NTNG1: variants seen among roughly 807,000 people sequenced by gnomAD.
The protein encoded by NTNG1 is netrin G1.
In NTNG1, 16 loss-of-function variants were observed where a neutral mutation model predicts 54.0. That is an observed-to-expected ratio of 0.30 (90% CI 0.20 to 0.45). The LOEUF (loss-of-function observed/expected upper bound fraction) is 0.45. Ranked by LOEUF, NTNG1 falls within the 20% of genes least tolerant of loss-of-function variation. The pLI is 1.00. For synonymous variants in NTNG1, 255 were observed against 263.1 expected (o/e 0.97, Z 0.30); for missense variants, 530 against 678.7 (o/e 0.78, Z 2.43).
chr1:107,356,765 G>A (rs1024946370), intron 3 of NTNG1, among the ~76,000 whole-genome samples: 2 of 152,092 alleles, frequency 1.3e-5, no homozygotes, highest in Non-Finnish European at 2.9e-5. Flanking sequence ...CACTTTGGGA[G>A]GCCAAGGCTG....
At chr1:107,397,640 T>C (rs1014167749) in intron 4 of NTNG1, among the ~76,000 whole-genome samples, 6 of 152,164 alleles carry the variant, frequency 3.9e-5, no homozygotes, top group Admixed American at 1.3e-4. Context: ...AAAATAAGCA[T>C]TCAAAAAATA....
At chr1:107,229,967 A>AT (rs578093945) in intron 2 of NTNG1, among the ~76,000 whole-genome samples, 27 of 152,134 alleles carry the variant, frequency 1.8e-4, no homozygotes, top group Non-Finnish European at 1.6e-4. Context: ...AACTGAATTT[A>AT]TTTTTTTAGA....
At chr1:107,456,442 C>G (rs555687096) in intron 7 of NTNG1, among the ~76,000 whole-genome samples, 1 of 152,288 alleles carries the variant, frequency 6.6e-6, no homozygotes, top group South Asian at 2.1e-4. Context: ...ATTTTGGAGT[C>G]TCTTGTAGGT....
intron 3 of NTNG1, among the ~76,000 whole-genome samples, chr1:107,386,964 A>G (rs1227267901): frequency 6.6e-6 from 1 of 152,158 alleles, no homozygotes; most frequent in Non-Finnish European, 1.5e-5. Context: ...TCGGCGTCTC[A>G]TTGTCATTTT....
Position 107,481,035 on chromosome 1 carries a change from TGAC to T in NTNG1, c.*196_*198del. On this transcript the variant is annotated 3_prime_UTR_variant, in exon 8 of 8. Transcript: ENST00000370068. ...CATCCGAGTCAAGACTGTTAATTTCTGACTCCAGAGGAGTTGGCAGCTGTTGAT... is the reference window on the plus strand; with the variant it reads ...CATCCGAGTCAAGACTGTTAATTTCTTCCAGAGGAGTTGGCAGCTGTTGAT... 1.9e-6 allele frequency: 1 copy of T among 538,078 alleles called. No individual in the cohort carries two copies. The highest frequency in any genetic ancestry group is 2.9e-5 in the South Asian group (1 of 34,894). 33.3% of individuals were successfully genotyped at this position (538,078 alleles called of 1,614,324 possible). A position where few individuals can be genotyped will look rare whatever the true frequency, so the allele number is the denominator to read the frequency against.
rs41278452 is a variant in NTNG1 at position 107,482,931 on chromosome 1, T to C, written c.*2091T>C. ...TGTTATTCAAACCAACAGTCTCTTT[T>C]GATGTAAGAAATAAGGAAAGATGGA... On this transcript the variant is annotated 3_prime_UTR_variant, in exon 8 of 8. Transcript: ENST00000370068. 26 of 152,334 alleles carry C rather than the reference T, an allele frequency of 1.7e-4. No individual in the cohort carries two copies. The highest frequency in any genetic ancestry group is 3.5e-4 in the Non-Finnish European group (24 of 68,026). 9.4% of individuals were successfully genotyped at this position (152,334 alleles called of 1,614,324 possible).
intron 3 of NTNG1, among the ~76,000 whole-genome samples, chr1:107,326,264 A>G (rs1667947660): frequency 6.6e-6 from 1 of 152,010 alleles, no homozygotes; most frequent in South Asian, 2.1e-4. Context: ...GCTTTTCCTA[A>G]AATTTTGACC....
chr1:107,371,243 G>T (rs1670906036), intron 3 of NTNG1, among the ~76,000 whole-genome samples: 1 of 151,914 alleles, frequency 6.6e-6, no homozygotes, highest in Admixed American at 6.6e-5. Context: ...TTCTTAGTTT[G>T]TTAATATGGT....
At chr1:107,291,413 T>C (rs537600236) in intron 2 of NTNG1, among the ~76,000 whole-genome samples, 1 of 152,282 alleles carries the variant, frequency 6.6e-6, no homozygotes, top group Admixed American at 6.5e-5. Flanking sequence ...AGGTGTGAGG[T>C]TCTGACTGTG....
chr1:107,186,680 G>A (rs1657484422), intron 2 of NTNG1, among the ~76,000 whole-genome samples: 1 of 152,108 alleles, frequency 6.6e-6, no homozygotes, highest in Non-Finnish European at 1.5e-5. Context: ...TAAAGACTTT[G>A]CGCTTGTGTT....
At chr1:107,190,601 G>A (rs1346281055) in intron 2 of NTNG1, among the ~76,000 whole-genome samples, 4 of 151,822 alleles carry the variant, frequency 2.6e-5, no homozygotes, top group Admixed American at 6.6e-5. Context: ...AACAGGCCCC[G>A]GTGTGTGATG....
At chr1:107,252,162 A>G (rs978265841) in intron 2 of NTNG1, among the ~76,000 whole-genome samples, 11 of 152,196 alleles carry the variant, frequency 7.2e-5, no homozygotes, top group South Asian at 6.2e-4. Flanking sequence ...TAAGCATTCT[A>G]TACATTTTGT....
chr1:107,435,913 T>C (rs1675566333), intron 6 of NTNG1, among the ~76,000 whole-genome samples: 1 of 152,132 alleles, frequency 6.6e-6, no homozygotes, highest in South Asian at 2.1e-4. Flanking sequence ...GAAGTAAAAA[T>C]ATCCTATATA....
chr1:107,427,651 T>C (rs1674991382), intron 5 of NTNG1, among the ~76,000 whole-genome samples: 1 of 152,114 alleles, frequency 6.6e-6, no homozygotes. Flanking sequence ...ATGACAGCTT[T>C]ATCAAAGTCT....
intron 3 of NTNG1, among the ~76,000 whole-genome samples, chr1:107,331,932 A>G (rs904113993): frequency 6.6e-6 from 1 of 151,934 alleles, no homozygotes; most frequent in African/African-American, 2.4e-5. Context: ...TTTAAAAGGC[A>G]GAATGAAGTC....
At chr1:107,273,382 T>A (rs1664270092) in intron 2 of NTNG1, among the ~76,000 whole-genome samples, 1 of 152,162 alleles carries the variant, frequency 6.6e-6, no homozygotes. Flanking sequence ...GTTATTTAAA[T>A]CTCCCCTCTG....
intron 2 of NTNG1, among the ~76,000 whole-genome samples, chr1:107,270,195 A>G (rs771786072): frequency 1.3e-5 from 2 of 152,202 alleles, no homozygotes; most frequent in Non-Finnish European, 2.9e-5. Flanking sequence ...ATATTCTTTT[A>G]TTATTTTCTT....
At chr1:107,396,764 C>T (rs1370702881) in intron 4 of NTNG1, among the ~76,000 whole-genome samples, 1 of 152,130 alleles carries the variant, frequency 6.6e-6, no homozygotes, top group Non-Finnish European at 1.5e-5. Context: ...TCTTTAATGT[C>T]TGCTCCTTCT....
intron 5 of NTNG1, among the ~76,000 whole-genome samples, chr1:107,426,023 G>A (rs1489531494): frequency 6.6e-6 from 1 of 151,998 alleles, no homozygotes; most frequent in Non-Finnish European, 1.5e-5. Context: ...TTTTAATGGG[G>A]TTGTTTGTTT....
Sources: gnomAD v4.1 joint callset for allele counts (sites outside exome capture counted in the v4.1 genomes callset) on GRCh38, gnomAD v4.1.1 for gene constraint, MANE v1.5 for transcripts, NCBI Gene and HGNC (gene_info 2026-07-23, HGNC 2026-07-21) for gene names.